P2RX1: variants seen among roughly 807,000 people sequenced by gnomAD.
The protein encoded by P2RX1 is purinergic receptor P2X 1.
P2RX1 carries 42 observed loss-of-function variants against 50.3 expected under a neutral mutation model. The ratio of observed to expected loss-of-function variants is 0.83; its 90% confidence interval spans 0.65 to 1.08. The LOEUF is 1.08. Ranked by LOEUF, P2RX1 falls within the 50% of genes least tolerant of loss-of-function variation. The pLI is 0.00. For missense variants in P2RX1, 449 were observed against 529.0 expected (o/e 0.85, Z 1.48); for synonymous variants, 199 against 202.6 (o/e 0.98, Z 0.15).
In P2RX1 at chr17:3,900,929, G is replaced by C. The variant is rs572857741; in HGVS notation, c.748-1168C>G. 3.9e-5 allele frequency among the ~76,000 whole-genome samples: 6 copies of C among 152,158 alleles called. No individual in the cohort carries two copies. In the South Asian group the frequency reaches 1.2e-3, roughly 32 times the overall value. On this transcript the variant is annotated intron_variant, in intron 7 of 11. Transcript: ENST00000225538. Reference sequence around the variant, plus strand: ...GAGAAAGCGAAGCTCCTCTGGGCGAGGCGAGTAATGGGACAGGTGGAGATA... The same window carrying C: ...GAGAAAGCGAAGCTCCTCTGGGCGACGCGAGTAATGGGACAGGTGGAGATA...
intron 7 of P2RX1, among the ~76,000 whole-genome samples, chr17:3,901,329 A>G (rs955916004): frequency 7.2e-5 from 11 of 152,250 alleles, no homozygotes; most frequent in Admixed American, 4.6e-4. Flanking sequence ...GGCCTCCCAA[A>G]GTGCTGGGAT....
intron 7 of P2RX1, among the ~76,000 whole-genome samples, chr17:3,900,175 G>A (rs1434455286): frequency 4.6e-5 from 7 of 151,914 alleles, no homozygotes; most frequent in East Asian, 1.9e-4. Context: ...TTTTGGAGCC[G>A]GGCGTGGTGG....
rs1195459549 is a variant in P2RX1 at position 3,914,276 on chromosome 17, C to T, written c.137+1813G>A. On this transcript the variant is annotated intron_variant, in intron 1 of 11. Coordinates refer to ENST00000225538, the MANE Select transcript of P2RX1 (RefSeq NM_002558.4). This position sits in a 1 kb window ranked among gnomAD's most constrained non-coding sequence, Gnocchi z 4.1. ...CTGGCTAATCCCTGTGGTCCTGAGC[C>T]CCACAGACACCGAGAAGGGCCACAT... is the stretch of plus-strand genomic sequence containing the variant. Among the ~76,000 whole-genome samples the T allele has an allele frequency of 6.6e-6, 1 of 151,904 alleles. No individual in the cohort carries two copies. The highest frequency in any genetic ancestry group is 6.6e-5 in the Admixed American group (1 of 15,254).
chr17:3,902,787 T>C (rs2056175024), intron 7 of P2RX1, among the ~76,000 whole-genome samples: 1 of 151,848 alleles, frequency 6.6e-6, no homozygotes, highest in Non-Finnish European at 1.5e-5. Context: ...TTTGTATTTT[T>C]AGTAGAGAAG....
At chr17:3,899,066 C>T (rs751227763) in intron 8 of P2RX1, 42 bp from the exon 9 acceptor site, 29 of 1,405,622 alleles carry the variant, frequency 2.1e-5, no homozygotes, top group Admixed American at 6.7e-5. Context: ...ATGGAGGGGA[C>T]TGTCTTGGGT....
At chr17:3,904,155 G>A (rs921786137) in intron 4 of P2RX1, 131 bp from the exon 5 acceptor site, 47 of 1,008,696 alleles carry the variant, frequency 4.7e-5, no homozygotes, top group East Asian at 4.3e-4. Flanking sequence ...GCTGGGTCCC[G>A]GACGGGCAGG....
chr17:3,910,595 GGGTTGGGA>G (rs2056345830), intron 1 of P2RX1, among the ~76,000 whole-genome samples: 1 of 152,268 alleles, frequency 6.6e-6, no homozygotes, highest in South Asian at 2.1e-4. Flanking sequence ...GCTCTGGCAT[GGGTTGGGA>G]GGACCGGCCA....
At position 3,899,679 on chromosome 17, in the gene P2RX1, T is replaced by C. The variant is rs1000710348; in HGVS notation, c.830A>G (p.His277Arg). The C allele has an allele frequency of 1.2e-6, 2 of 1,613,962 alleles. No individual in the cohort carries two copies. Among genetic ancestry groups the C allele is most frequent in the Admixed American group, 3.3e-5 (2 of 60,008 alleles). ...VRHCRPIYEF[H>R]GLYEEKNLSP... ...GAGATTTTTCTCTTCGTACAGCCCA[T>C]GGAACTCATAGATGGGTCTGCAGTG... The change falls in exon 8 of 12, where the codon CAT becomes CGT. Residue 277 changes from histidine to arginine, a missense_variant. By Grantham distance (29) the His-to-Arg change is conservative (BLOSUM62 0). Coordinates refer to ENST00000225538, the MANE Select transcript of P2RX1 (RefSeq NM_002558.4).
At chr17:3,915,239 G>A in intron 1 of P2RX1, 2 of 358,088 alleles carry the variant, frequency 5.6e-6, no homozygotes, top group South Asian at 2.1e-5. Flanking sequence ...ACACACAGGG[G>A]ACACACACTG....
In P2RX1 at chr17:3,904,443, G is replaced by T. The variant is rs747897302; in HGVS notation, c.358-44C>A. 6 of 1,558,518 alleles carry T rather than the reference G, an allele frequency of 3.8e-6. No homozygotes were observed. The South Asian group carries it at 6.8e-5, about 18-fold the overall frequency. ...GCTGGTCCCAGGCCCCTTGGGTGGG[G>T]TCCTGAGAAGAGCCCCTCTCCCCAC... On this transcript the variant is annotated intron_variant, in intron 3 of 11. Transcript: ENST00000225538.
rs148552804 is a variant in P2RX1, at chr17:3,905,583, C to A, written c.138-216G>T. On this transcript the variant is annotated intron_variant, in intron 1 of 11. Transcript: ENST00000225538. ...TCACTATGAAAATGCTAATTCAGGA[C>A]GGGCGTGCCATCCCAGCATTTTGGG... Among the ~76,000 whole-genome samples, 292 of 152,290 alleles carry A rather than the reference C, an allele frequency of 1.9e-3. 2 individuals carry two copies. The highest frequency in any genetic ancestry group is 0.016 in the South Asian group (76 of 4,822).
At position 3,905,256 on chromosome 17, in the gene P2RX1, CTG is replaced by C. The variant is rs760156729; in HGVS notation, c.247_248del (p.Gln83GlyfsTer6). The C allele has an allele frequency of 2.7e-5, 44 of 1,613,756 alleles. No homozygotes were observed. In the South Asian group the frequency reaches 4.5e-4, roughly 17 times the overall value. On this transcript the variant is annotated frameshift_variant, in exon 2 of 12. Coordinates refer to ENST00000225538, the MANE Select transcript of P2RX1 (RefSeq NM_002558.4). LOFTEE classifies it high-confidence loss of function. ...AVTQLPGLGP[Q>X]VWDVADYVFP... ...AGACGTAGTCAGCCACATCCCAGAC[CTG>C]GGGGCCGAGGCCAGGGAGCTGGGTC...
At chr17:3,904,568 G>A in intron 3 of P2RX1, 169 bp from the exon 4 acceptor site, 1 of 686,366 alleles carries the variant, frequency 1.5e-6, no homozygotes, top group Admixed American at 2.4e-5. Context: ...ACACTGCTCT[G>A]CCGAGGCGCC....
In P2RX1 at chr17:3,903,813, G is replaced by A. The variant is rs898194154; in HGVS notation, c.524+115C>T. ...CAGGGGAATCTTCAGCCTAGGTTGC[G>A]CGGATGGGGTGAGGGTGGGGTCAGA... On this transcript the variant is annotated intron_variant, in intron 5 of 11. Coordinates refer to ENST00000225538, the MANE Select transcript of P2RX1 (RefSeq NM_002558.4). The surrounding 1 kb of genome is among the most constrained non-coding windows in gnomAD (Gnocchi z 4.6). 54 of 1,107,518 alleles carry A rather than the reference G, an allele frequency of 4.9e-5. No individual in the cohort carries two copies. The highest frequency in any genetic ancestry group is 1.9e-4 in the Middle Eastern group (1 of 5,164). The allele number at this position is 1,107,518 out of a possible 1,614,324, so 68.6% of individuals were successfully genotyped here. A position where few individuals can be genotyped will look rare whatever the true frequency, so the allele number is the denominator to read the frequency against.
At position 3,897,567 on chromosome 17, in the gene P2RX1, C is replaced by T; in HGVS notation, c.*247G>A. The T allele has an allele frequency of 1.7e-6, 1 of 588,136 alleles. No homozygotes were observed. Among genetic ancestry groups the T allele is most frequent in the Non-Finnish European group, 3.1e-6 (1 of 327,732 alleles). 36.4% of individuals were successfully genotyped at this position (588,136 alleles called of 1,614,324 possible). ...TGTGTGGGAGGGTCCTGCCCAGCCC[C>T]AGCCATTCCCCACCAGGAGCGGCTG... On this transcript the variant is annotated 3_prime_UTR_variant, in exon 12 of 12. Transcript: ENST00000225538.
Position 3,903,963 on chromosome 17 carries a change from G to C in P2RX1, c.489C>G (p.Gly163=). The change falls in exon 5 of 12, where the codon GGC becomes GGG. Residue 163 remains glycine (G), a synonymous_variant. Transcript: ENST00000225538. This position sits in a 1 kb window ranked among gnomAD's most constrained non-coding sequence, Gnocchi z 4.6. The part of the protein sequence containing the change: ...NDTVKTCEIF[G]WCPVEVDDDI... ...CGTCATCCACCTCCACGGGGCACCA[G>C]CCAAAGATCTCACACGTCTTCACAG... 6.2e-7 allele frequency: 1 copy of C among 1,614,098 alleles called. No individual in the cohort carries two copies. The highest frequency in any genetic ancestry group is 1.6e-4 in the Middle Eastern group (1 of 6,062).
chr17:3,904,074 G>T (rs111480308), intron 4 of P2RX1, 50 bp from the exon 5 acceptor site: 3 of 1,428,490 alleles, frequency 2.1e-6, no homozygotes, highest in Non-Finnish European at 3.0e-6. Context: ...AGAGGAGGCC[G>T]CCCCAGACCC....
intron 3 of P2RX1, chr17:3,904,630 G>C: frequency 1.6e-6 from 1 of 628,662 alleles, no homozygotes; most frequent in East Asian, 2.7e-5. Flanking sequence ...GGCGGTGGGG[G>C]TGGGCACGAA....
Position 3,904,539 on chromosome 17 carries a change from C to T in P2RX1, c.358-140G>A, listed in dbSNP as rs188291668. 471 of 770,576 alleles carry T rather than the reference C, an allele frequency of 6.1e-4. 1 individual carries two copies. The highest frequency in any genetic ancestry group is 4.2e-4 in the Non-Finnish European group (192 of 461,304). 47.7% of individuals were successfully genotyped at this position (770,576 alleles called of 1,614,324 possible). ...CTGGAGTGACGCCTGCTCACAGCCTCCTTCCCCCATTTCCCCCCACACTGC... is the reference window on the plus strand; with the variant it reads ...CTGGAGTGACGCCTGCTCACAGCCTTCTTCCCCCATTTCCCCCCACACTGC... On this transcript the variant is annotated intron_variant, in intron 3 of 11. Transcript: ENST00000225538.
Sources: allele counts gnomAD v4.1 joint callset (sites outside exome capture counted in the v4.1 genomes callset), GRCh38; gene constraint gnomAD v4.1.1; non-coding constraint Gnocchi (gnomAD v3.1); transcripts MANE v1.5; gene names NCBI Gene and HGNC (gene_info 2026-07-23, HGNC 2026-07-21).